NRG2: variants seen among roughly 807,000 people sequenced by gnomAD.
The protein encoded by NRG2 is pro-neuregulin-2, membrane-bound isoform.
Under a neutral mutation model 73.9 loss-of-function variants are expected in NRG2, and 27 were observed. The observed-to-expected ratio is 0.37, with a 90% CI of 0.27 to 0.50. The LOEUF is 0.50. Among genes scored for constraint, NRG2 ranks in the 20% least tolerant of loss-of-function variants. NRG2 has a pLI of 0.96. For missense variants in NRG2, 1,126 were observed against 1,210.1 expected (o/e 0.93, Z 1.03); for synonymous variants, 532 against 541.0 (o/e 0.98, Z 0.23).
intron 1 of NRG2, among the ~76,000 whole-genome samples, chr5:139,959,380 T>C (rs965938514): frequency 2.6e-5 from 4 of 151,558 alleles, no homozygotes; most frequent in African/African-American, 7.3e-5. Flanking sequence ...TGTTTGTTTG[T>C]TTGTTTGTTT....
intron 1 of NRG2, among the ~76,000 whole-genome samples, chr5:139,957,307 C>CTGTGTGTGTGTGTGTG (rs70988722): frequency 6.9e-6 from 1 of 143,888 alleles, no homozygotes; most frequent in African/African-American, 2.6e-5. Flanking sequence ...TCAAGAATCT[C>CTGTGTGTGTGTGTGTG]TGTGTGTGTG....
intron 1 of NRG2, among the ~76,000 whole-genome samples, chr5:139,933,029 C>A (rs1348918587): frequency 6.6e-6 from 1 of 152,180 alleles, no homozygotes; most frequent in Non-Finnish European, 1.5e-5. Flanking sequence ...AAGCCCAGCA[C>A]TTTGGGAGGC....
chr5:140,007,759 T>C (rs1170457062), intron 1 of NRG2, among the ~76,000 whole-genome samples: 1 of 151,882 alleles, frequency 6.6e-6, no homozygotes, highest in African/African-American at 2.4e-5. Flanking sequence ...TATCCAGGGG[T>C]TTCAAGGGAA....
At chr5:139,966,336 G>GA (rs776466635) in intron 1 of NRG2, among the ~76,000 whole-genome samples, 4 of 152,202 alleles carry the variant, frequency 2.6e-5, no homozygotes, top group Non-Finnish European at 5.9e-5. Context: ...TACTGCACTG[G>GA]AATGTGAGGA....
intron 1 of NRG2, among the ~76,000 whole-genome samples, chr5:139,941,390 TAAC>T (rs1286591391): frequency 6.6e-6 from 1 of 152,020 alleles, no homozygotes; most frequent in Non-Finnish European, 1.5e-5. Context: ...GGGTGGGGGA[TAAC>T]ATTTCATTTA....
chr5:140,025,571 G>A (rs995582432), intron 1 of NRG2, among the ~76,000 whole-genome samples: 8 of 152,156 alleles, frequency 5.3e-5, no homozygotes, highest in African/African-American at 1.7e-4. Context: ...TCCCATAGAA[G>A]CTAATAAAGC....
At chr5:139,859,767 T>G (rs553166294) in intron 5 of NRG2, 7 of 1,008,648 alleles carry the variant, frequency 6.9e-6, no homozygotes, top group African/African-American at 6.4e-5. Flanking sequence ...CCAGGAGAGA[T>G]TTTTGGAATC....
intron 1 of NRG2, among the ~76,000 whole-genome samples, chr5:140,040,750 T>C (rs1303729865): frequency 6.6e-6 from 1 of 152,194 alleles, no homozygotes; most frequent in Non-Finnish European, 1.5e-5. Flanking sequence ...TCTCAGAGTA[T>C]TTTAATACTC....
At chr5:139,940,541 T>C (rs1283356932) in intron 1 of NRG2, among the ~76,000 whole-genome samples, 1 of 152,224 alleles carries the variant, frequency 6.6e-6, no homozygotes, top group African/African-American at 2.4e-5. Context: ...TTGTCTTAAT[T>C]CTGTCTCAAT....
At chr5:140,039,479 A>T (rs1334785624) in intron 1 of NRG2, among the ~76,000 whole-genome samples, 3 of 152,170 alleles carry the variant, frequency 2.0e-5, no homozygotes, top group African/African-American at 7.2e-5. Flanking sequence ...TACACATTAG[A>T]TATGTAAAAA....
chr5:139,855,210 G>T (rs567023251), intron 6 of NRG2, among the ~76,000 whole-genome samples: 2 of 152,292 alleles, frequency 1.3e-5, no homozygotes, highest in Non-Finnish European at 2.9e-5. Context: ...GAATGAAGCT[G>T]TCCTCTCTGT....
chr5:139,857,862 G>A (rs548644088), intron 5 of NRG2, among the ~76,000 whole-genome samples: 3 of 152,008 alleles, frequency 2.0e-5, no homozygotes, highest in East Asian at 1.9e-4. Context: ...GCAAGTCCTC[G>A]CAGCTCTGCT....
chr5:140,038,301 G>A (rs896502173), intron 1 of NRG2, among the ~76,000 whole-genome samples: 1 of 152,030 alleles, frequency 6.6e-6, no homozygotes. Flanking sequence ...AATTCAAACC[G>A]ACGGTTGTTT....
chr5:139,904,319 G>C lies in NRG2; in HGVS notation c.701-16808C>G. 2 of 1,591,676 alleles carry C rather than the reference G, an allele frequency of 1.3e-6. No homozygotes were observed. The highest frequency in any genetic ancestry group is 1.1e-5 in the South Asian group (1 of 89,870). On this transcript the variant is annotated intron_variant, in intron 1 of 9. Transcript: ENST00000361474. This position sits in a 1 kb window ranked among gnomAD's most constrained non-coding sequence, Gnocchi z 6.0. ...GGAGGTGCCCTACCTTTCTCCCCGG[G>C]ATCGGGCTCCCTCTCCCGCTTCCTC...
At chr5:139,900,173 G>A (rs754389532) in intron 1 of NRG2, among the ~76,000 whole-genome samples, 13 of 152,168 alleles carry the variant, frequency 8.5e-5, no homozygotes, top group Non-Finnish European at 1.9e-4. Context: ...CACCCTAGGA[G>A]AACAAATCAT....
At chr5:139,860,245 AGGTAAGTGGGGGTGGG>A (rs1762066355) in intron 5 of NRG2, among the ~76,000 whole-genome samples, 1 of 152,126 alleles carries the variant, frequency 6.6e-6, no homozygotes, top group Non-Finnish European at 1.5e-5. Flanking sequence ...CTGGGAGGAA[AGGTAAGTGGGGGTGGG>A]GGTCTCAGGA....
Position 139,848,193 on chromosome 5 carries a change from C to T in NRG2, c.2277G>A (p.Ala759=). Residue 759 remains alanine (A), a synonymous_variant, in exon 10 of 10, where the codon GCG becomes GCA. Transcript: ENST00000361474. ...NGLAAQRARA[A]RDSLSLSSGS... ...CGCTGCTCAGCGACAGCGAGTCCCT[C>T]GCCGCCCGTGCGCGCTGCGCCGCCA... 2.2e-6 allele frequency: 3 copies of T among 1,348,234 alleles called. No individual in the cohort carries two copies. Among genetic ancestry groups the T allele is most frequent in the South Asian group, 3.5e-5 (2 of 56,340 alleles). 83.5% of individuals were successfully genotyped at this position (1,348,234 alleles called of 1,614,324 possible).
At chr5:139,921,731 A>G (rs1751679175) in intron 1 of NRG2, among the ~76,000 whole-genome samples, 1 of 152,192 alleles carries the variant, frequency 6.6e-6, no homozygotes, top group Non-Finnish European at 1.5e-5. Context: ...ATGGCATAAT[A>G]TATGAAAGAA....
intron 1 of NRG2, among the ~76,000 whole-genome samples, chr5:140,041,936 G>T (rs893285587): frequency 1.3e-5 from 2 of 152,106 alleles, no homozygotes; most frequent in Non-Finnish European, 2.9e-5. Flanking sequence ...CTGCCCAGCT[G>T]CTCCCGCAGA....
Sources: allele counts gnomAD v4.1 joint callset (sites outside exome capture counted in the v4.1 genomes callset), GRCh38; gene constraint gnomAD v4.1.1; non-coding constraint Gnocchi (gnomAD v3.1); transcripts MANE v1.5; gene names NCBI Gene and HGNC (gene_info 2026-07-23, HGNC 2026-07-21).